The following CENPF variants were observed in gnomAD, a reference collection of about 807,000 sequenced individuals.
CENPF encodes the protein AH antigen.
A neutral mutation model predicts 307.3 loss-of-function variants in CENPF; 214 were observed. The ratio of observed to expected loss-of-function variants is 0.70; its 90% CI spans 0.62 to 0.78. CENPF has a LOEUF of 0.78. CENPF is among the 30% of genes least tolerant of loss of function. The pLI is 0.00. For missense variants in CENPF, 3,401 were observed against 3,483.9 expected (o/e 0.98, Z 0.60); for synonymous variants, 1,259 against 1,270.6 (o/e 0.99, Z 0.19).
chr1:214,628,362 A>G (rs1204954608), intron 7 of CENPF, among the ~76,000 whole-genome samples: 1 of 150,182 alleles, frequency 6.7e-6, no homozygotes, highest in Non-Finnish European at 1.5e-5. Flanking sequence ...GGTTCATTTC[A>G]TTTACTCTGT....
At chr1:214,633,088 G>A (rs1343030096) in intron 10 of CENPF, among the ~76,000 whole-genome samples, 1 of 152,178 alleles carries the variant, frequency 6.6e-6, no homozygotes, top group Admixed American at 6.5e-5. Flanking sequence ...CAGATAAAGA[G>A]TTTCTAGATT....
rs142426045 is a variant in CENPF, at chr1:214,633,222, T to C, written c.1446+620T>C. On this transcript the variant is annotated intron_variant, in intron 10 of 19. Coordinates refer to ENST00000366955, the MANE Select transcript of CENPF (RefSeq NM_016343.4). ...GACGGTGTCTTTGGAGACTTTGTTT[T>C]GTCCACAAAGTGGTGGATGAGGGTT... is the stretch of plus-strand genomic sequence containing the variant. 1.4e-3 allele frequency among the ~76,000 whole-genome samples: 210 copies of C among 152,352 alleles called. 2 individuals carry two copies. The highest frequency in any genetic ancestry group is 4.9e-3 in the African/African-American group (203 of 41,584).
At chr1:214,651,999 A>G in intron 15 of CENPF, 113 bp downstream of exon 15, 1 of 816,322 alleles carries the variant, frequency 1.2e-6, no homozygotes, top group Admixed American at 3.7e-5. Flanking sequence ...TATGCTATAT[A>G]ATCTTTTAAA....
intron 13 of CENPF, 70 bp from the exon 14 acceptor site, chr1:214,648,605 G>C (rs558626579): frequency 1.3e-6 from 2 of 1,508,398 alleles, no homozygotes; most frequent in African/African-American, 2.8e-5. Flanking sequence ...TGAATATGTT[G>C]TATCAGAGTG....
chr1:214,645,284 G>A lies in CENPF; in HGVS notation c.5714G>A (p.Ser1905Asn), dbSNP rs143508339. ...TTTCTTGATGTGGAAAATGAGCTGA[G>A]TAGGATCAGATCGGAGAAAGCTAGC... ...ERFLDVENEL[S>N]RIRSEKASIE... Residue 1905 changes from serine (S) to asparagine (N), a missense_variant, in exon 13 of 20, where the codon AGT (serine) becomes AAT (asparagine). Transcript: ENST00000366955. 4.8e-5 allele frequency: 78 copies of A among 1,614,124 alleles called. No individual in the cohort carries two copies. In the African/African-American group the frequency reaches 9.7e-4, roughly 20 times the overall value.
intron 19 of CENPF, among the ~76,000 whole-genome samples, chr1:214,661,890 C>T (rs949893523): frequency 3.3e-5 from 5 of 151,326 alleles, no homozygotes; most frequent in Non-Finnish European, 5.9e-5. Context: ...TTTTTTCCCT[C>T]CCCTGTGTTA....
intron 14 of CENPF, among the ~76,000 whole-genome samples, chr1:214,649,150 T>C (rs2102571254): frequency 6.6e-6 from 1 of 152,312 alleles, no homozygotes; most frequent in African/African-American, 2.4e-5. Context: ...CAAGTTTATC[T>C]GCCTCCCTAG....
In CENPF at chr1:214,646,283, G is replaced by A. The variant is rs2102567361; in HGVS notation, c.6713G>A (p.Ser2238Asn). Residue 2238 changes from serine to asparagine, a missense_variant, in exon 13 of 20, where the codon AGT (serine) becomes AAT (asparagine). Physicochemically the swap from Ser to Asn is conservative, Grantham distance 46. Coordinates refer to ENST00000366955, the MANE Select transcript of CENPF (RefSeq NM_016343.4). ...ELDKLLSSFK[S>N]LLEEKEQAEI... ...GACAAGTTACTCTCTTCATTTAAAA[G>A]TCTGTTAGAAGAAAAGGAGCAAGCA... is the stretch of plus-strand genomic sequence containing the variant. 2 of 1,614,106 alleles carry A rather than the reference G, an allele frequency of 1.2e-6. No homozygotes were observed. Among genetic ancestry groups the A allele is most frequent in the East Asian group, 4.5e-5 (2 of 44,874 alleles).
At chr1:214,606,140 C>T (rs1231879573) in intron 1 of CENPF, 13 of 1,465,326 alleles carry the variant, frequency 8.9e-6, no homozygotes, top group East Asian at 2.4e-5. Context: ...TTCCCGCCAG[C>T]GGGCGTCCCC....
rs978544910 is a variant in CENPF at position 214,644,544 on chromosome 1, A to G, written c.4987-13A>G. The G allele has an allele frequency of 1.3e-6, 2 of 1,555,306 alleles. No homozygotes were observed. The highest frequency in any genetic ancestry group is 2.3e-5 in the East Asian group (1 of 44,352). On this transcript the variant is annotated splice_polypyrimidine_tract_variant and intron_variant, in intron 12 of 19. Coordinates refer to ENST00000366955, the MANE Select transcript of CENPF (RefSeq NM_016343.4). ...AAAATAAAATGCATGCTTGTTATGT[A>G]TTATAATTACAGGCTATTCAAGGCC...
rs368885520 is a variant in CENPF at position 214,644,903 on chromosome 1, A to G, written c.5333A>G (p.Glu1778Gly). ...DIHNLQLRVK[E>G]TSNENLRLLH... ...CATAATCTTCAACTGCGGGTAAAAG[A>G]GACATCAAATGAGAATTTGAGATTA... The change falls in exon 13 of 20, where the codon GAG (glutamate) becomes GGG (glycine). Residue 1778 changes from glutamate to glycine, a missense_variant. By Grantham distance (98) the Glu-to-Gly change is moderately conservative. Coordinates refer to ENST00000366955, the MANE Select transcript of CENPF (RefSeq NM_016343.4). 1.1e-5 allele frequency: 17 copies of G among 1,614,032 alleles called. No individual in the cohort carries two copies. In the African/African-American group the frequency reaches 2.1e-4, roughly 20 times the overall value.
intron 19 of CENPF, among the ~76,000 whole-genome samples, chr1:214,663,186 TCCA>T (rs1390013802): frequency 2.6e-5 from 4 of 152,232 alleles, no homozygotes; most frequent in Admixed American, 2.6e-4. Context: ...TTTAAAATTT[TCCA>T]CCCTGTGGAG....
At chr1:214,655,151 A>C in intron 16 of CENPF, 90 bp from the exon 17 acceptor site, 1 of 762,284 alleles carries the variant, frequency 1.3e-6, no homozygotes, top group Non-Finnish European at 1.9e-6. Context: ...TTAAATTTAC[A>C]ATATATGAAT....
In CENPF at chr1:214,641,831, G is replaced by A. The variant is rs368660042; in HGVS notation, c.3493G>A (p.Glu1165Lys). 1.3e-5 allele frequency: 21 copies of A among 1,608,822 alleles called. No individual in the cohort carries two copies. The highest frequency in any genetic ancestry group is 1.7e-5 in the Non-Finnish European group (20 of 1,178,864). ...QLMKVMKTKH[E>K]CQNLESEPIR... The stretch of plus-strand genomic sequence containing the variant: ...GATGAAGGTAATGAAGACTAAACAT[G>A]AATGTCAAAATCTAGAATCAGAACC... The change falls in exon 12 of 20, where the codon GAA (glutamate) becomes AAA (lysine). Residue 1165 changes from glutamate (E) to lysine (K), a missense_variant. Glu to Lys is a moderately conservative substitution (Grantham distance 56, BLOSUM62 1). Transcript: ENST00000366955.
intron 19 of CENPF, among the ~76,000 whole-genome samples, chr1:214,660,461 G>A (rs1658761349): frequency 6.6e-6 from 1 of 152,176 alleles, no homozygotes; most frequent in Admixed American, 6.5e-5. Flanking sequence ...TGAATATACT[G>A]ACTTTCCAAT....
At chr1:214,619,493 G>A (rs151127179) in intron 5 of CENPF, among the ~76,000 whole-genome samples, 100 of 152,254 alleles carry the variant, frequency 6.6e-4, no homozygotes, top group South Asian at 3.5e-3. Context: ...AAGACCTAGC[G>A]ATCAGGGCTA....
At chr1:214,636,416 T>C (rs564022606) in intron 10 of CENPF, among the ~76,000 whole-genome samples, 1 of 152,208 alleles carries the variant, frequency 6.6e-6, no homozygotes. Flanking sequence ...CTGATTGATA[T>C]CTTAATTCGA....
At chr1:214,622,005 AAC>A in intron 6 of CENPF, 72 bp from the exon 7 acceptor site, 1 of 1,196,478 alleles carries the variant, frequency 8.4e-7, no homozygotes, top group Non-Finnish European at 1.2e-6. Context: ...AAAAGAATAA[AAC>A]AAATGATAAG....
At chr1:214,608,884 A>G in intron 1 of CENPF, 1 of 1,442,936 alleles carries the variant, frequency 6.9e-7, no homozygotes, top group South Asian at 1.4e-5. Context: ...GCCCCAGCCA[A>G]CAACGCCGCC....
Sources: gnomAD v4.1 joint callset for allele counts (sites outside exome capture counted in the v4.1 genomes callset) on GRCh38, gnomAD v4.1.1 for gene constraint, MANE v1.5 for transcripts, NCBI Gene and HGNC (gene_info 2026-07-23, HGNC 2026-07-21) for gene names.